MED27: variants seen among roughly 807,000 people sequenced by gnomAD.
The protein encoded by MED27 is mediator of RNA polymerase II transcription subunit 27.
MED27 carries 30 observed loss-of-function variants against 38.2 expected under a neutral mutation model. The ratio of observed to expected loss-of-function variants is 0.79; its 90% CI spans 0.59 to 1.07. The LOEUF (loss-of-function observed/expected upper bound fraction) is 1.07, where lower values mean the gene tolerates loss of function less well. Ranked by LOEUF, MED27 falls within the 50% of genes least tolerant of loss-of-function variation. The probability of loss-of-function intolerance (pLI) is 0.00; values close to 1 mark genes in which losing one functional copy is unlikely to be tolerated. For missense variants in MED27, 289 were observed against 397.5 expected (o/e 0.73, Z 2.32); for synonymous variants, 122 against 153.5 (o/e 0.79, Z 1.52).
intron 2 of MED27, among the ~76,000 whole-genome samples, chr9:132,040,412 G>A (rs1312862665): frequency 6.6e-6 from 1 of 152,226 alleles, no homozygotes; most frequent in Non-Finnish European, 1.5e-5. Context: ...GGGATGAGAG[G>A]TGGGGCCGTG....
chr9:132,071,195 A>G (rs1230565694), intron 2 of MED27, among the ~76,000 whole-genome samples: 2 of 152,228 alleles, frequency 1.3e-5, no homozygotes. Flanking sequence ...ACTGAAGCAC[A>G]GAGAGGTTAG....
rs114948126 is a variant in MED27 at position 131,905,353 on chromosome 9, A to G, written c.574-11361T>C. ...GACAGCACACGTCCTTTATCTGTAC[A>G]TGACACTGAACATGACAGTAATGAA... is the stretch of plus-strand genomic sequence containing the variant. On this transcript the variant is annotated intron_variant, in intron 4 of 7. Transcript: ENST00000292035. Among the ~76,000 whole-genome samples, 849 of 152,340 alleles carry G rather than the reference A, an allele frequency of 5.6e-3. 4 individuals are homozygous for G. The highest frequency in any genetic ancestry group is 0.019 in the African/African-American group (798 of 41,582).
At chr9:131,880,157 ACCGCCATCTC>A (rs961091891) in intron 6 of MED27, among the ~76,000 whole-genome samples, 2 of 151,326 alleles carry the variant, frequency 1.3e-5, no homozygotes, top group Admixed American at 6.6e-5. Context: ...CGTGCTTTCT[ACCGCCATCTC>A]CCACAAGCTC....
intron 3 of MED27, among the ~76,000 whole-genome samples, chr9:131,965,460 C>T (rs546396755): frequency 1.3e-5 from 2 of 152,204 alleles, no homozygotes; most frequent in Non-Finnish European, 2.9e-5. Context: ...TGGGAACCTT[C>T]CTGTAACAGG....
intron 2 of MED27, among the ~76,000 whole-genome samples, chr9:132,069,488 G>A (rs1283732212): frequency 6.6e-6 from 1 of 152,206 alleles, no homozygotes; most frequent in Non-Finnish European, 1.5e-5. Flanking sequence ...TACCTGTGGT[G>A]TGTCACAAGA....
At chr9:132,011,279 C>T (rs1832481001) in intron 3 of MED27, among the ~76,000 whole-genome samples, 1 of 148,074 alleles carries the variant, frequency 6.8e-6, no homozygotes, top group Non-Finnish European at 1.5e-5. Context: ...GACATATGCA[C>T]AGAAAAAGTC....
At chr9:132,017,346 A>G (rs1403536296) in intron 2 of MED27, among the ~76,000 whole-genome samples, 2 of 152,230 alleles carry the variant, frequency 1.3e-5, no homozygotes, top group African/African-American at 2.4e-5. Context: ...TTAGAAACAT[A>G]TAACTCCCCA....
At position 131,939,431 on chromosome 9, in the gene MED27, C is replaced by T. The variant is rs933842047; in HGVS notation, c.523G>A (p.Glu175Lys). Residue 175 changes from glutamate to lysine, a missense_variant, in exon 4 of 8, where the codon GAA becomes AAA. Coordinates refer to ENST00000292035, the MANE Select transcript of MED27 (RefSeq NM_004269.4). ...VISRIDRMFP[E>K]MSIHLSRPNG... Reference sequence around the variant, plus strand: ...GGTCTGGATAAGTGGATGGACATTTCAGGAAACATCCTGTCAATGCGGCTG... The same window carrying T: ...GGTCTGGATAAGTGGATGGACATTTTAGGAAACATCCTGTCAATGCGGCTG... 1.2e-6 allele frequency: 2 copies of T among 1,612,168 alleles called. No individual in the cohort carries two copies. The highest frequency in any genetic ancestry group is 2.7e-5 in the African/African-American group (2 of 74,836).
chr9:132,014,083 G>C (rs950431729), intron 3 of MED27, among the ~76,000 whole-genome samples: 3 of 150,764 alleles, frequency 2.0e-5, no homozygotes, highest in African/African-American at 7.3e-5. Context: ...GTGTGCGCTT[G>C]TAATCCCAGC....
intron 1 of MED27, among the ~76,000 whole-genome samples, chr9:132,078,351 C>T (rs1003844426): frequency 8.5e-5 from 13 of 152,104 alleles, no homozygotes; most frequent in African/African-American, 3.1e-4. Flanking sequence ...AGGATAATGT[C>T]AGCACTCTTA....
chr9:132,021,159 T>C (rs544223446), intron 2 of MED27, among the ~76,000 whole-genome samples: 20 of 152,228 alleles, frequency 1.3e-4, no homozygotes, highest in Non-Finnish European at 2.4e-4. Flanking sequence ...ACAGAGACGA[T>C]GGATAGCAGC....
At chr9:132,054,924 G>C (rs1833544364) in intron 2 of MED27, among the ~76,000 whole-genome samples, 1 of 152,056 alleles carries the variant, frequency 6.6e-6, no homozygotes, top group Admixed American at 6.5e-5. Context: ...CACCCTTTGG[G>C]GCAGGCCAAA....
At chr9:132,018,082 T>C (rs574013420) in intron 2 of MED27, among the ~76,000 whole-genome samples, 19 of 152,330 alleles carry the variant, frequency 1.2e-4, no homozygotes, top group African/African-American at 4.6e-4. Flanking sequence ...TGGGTGACCT[T>C]ACACATCTCC....
chr9:131,945,082 T>C (rs1360616680), intron 3 of MED27, among the ~76,000 whole-genome samples: 1 of 146,910 alleles, frequency 6.8e-6, no homozygotes, highest in Non-Finnish European at 1.5e-5. Context: ...TATAAATATA[T>C]ATAAATAATT....
At chr9:131,923,414 A>C (rs1051815900) in intron 4 of MED27, among the ~76,000 whole-genome samples, 1 of 152,170 alleles carries the variant, frequency 6.6e-6, no homozygotes, top group Non-Finnish European at 1.5e-5. Flanking sequence ...AACCAACTGA[A>C]GTTTAATATT....
chr9:132,032,286 C>T (rs1038454057), intron 2 of MED27: 15 of 151,992 alleles, frequency 9.9e-5, no homozygotes, highest in Admixed American at 8.5e-4. Flanking sequence ...TTTTAGGCTC[C>T]TTTTTATAGG....
At chr9:131,939,685 G>A (rs1022009020) in intron 3 of MED27, among the ~76,000 whole-genome samples, 1 of 152,076 alleles carries the variant, frequency 6.6e-6, no homozygotes, top group Non-Finnish European at 1.5e-5. Flanking sequence ...TTCATTTTAA[G>A]GCATGACTAT....
chr9:131,901,785 T>C (rs921427269), intron 4 of MED27, among the ~76,000 whole-genome samples: 2 of 152,198 alleles, frequency 1.3e-5, no homozygotes, highest in African/African-American at 4.8e-5. Context: ...TTTACCCCTT[T>C]GCTCTGGAAC....
rs1833430113 is a variant in MED27 at position 132,050,081 on chromosome 9, T to C, written c.348+27361A>G. Reference sequence around the variant, plus strand: ...ACAAATATCAGGGCGTTGCTCATGATGTAATCCGAACAATCCGTCACCAAA... The same window carrying C: ...ACAAATATCAGGGCGTTGCTCATGACGTAATCCGAACAATCCGTCACCAAA... On this transcript the variant is annotated intron_variant, in intron 2 of 7. Transcript: ENST00000292035. 1.3e-5 allele frequency among the ~76,000 whole-genome samples: 2 copies of C among 152,130 alleles called. 1 individual carries two copies. The highest frequency in any genetic ancestry group is 6.3e-3 in the Middle Eastern group (2 of 316).
Sources: allele counts gnomAD v4.1 joint callset (sites outside exome capture counted in the v4.1 genomes callset), GRCh38; gene constraint gnomAD v4.1.1; transcripts MANE v1.5; gene names NCBI Gene and HGNC (gene_info 2026-07-23, HGNC 2026-07-21).